ANO10: variants seen among roughly 807,000 people sequenced by gnomAD.
ANO10 encodes the protein anoctamin 10.
In ANO10, 77 loss-of-function variants were observed where a neutral mutation model predicts 74.7. That is an observed-to-expected ratio of 1.03 (90% confidence interval 0.86 to 1.25). The LOEUF (loss-of-function observed/expected upper bound fraction) is 1.25. Among genes scored for constraint, ANO10 ranks in the 50% most tolerant of loss-of-function variants. The pLI, the probability that ANO10 is intolerant of heterozygous loss-of-function variation, is 0.00. For missense variants in ANO10, 721 were observed against 778.1 expected, an observed-to-expected ratio of 0.93 and a Z score of 0.87; for synonymous variants, 279 against 284.9, an observed-to-expected ratio of 0.98 and a Z score of 0.21.
At chr3:43,399,327 TTC>T (rs1397419737) in intron 12 of ANO10, among the ~76,000 whole-genome samples, 3 of 152,242 alleles carry the variant, frequency 2.0e-5, no homozygotes, top group Non-Finnish European at 1.5e-5. Flanking sequence ...CTCTGATCAC[TTC>T]TTTTTCCTGT....
At chr3:43,613,414 T>A (rs1402654597) in intron 1 of ANO10, among the ~76,000 whole-genome samples, 1 of 152,110 alleles carries the variant, frequency 6.6e-6, no homozygotes, top group African/African-American at 2.4e-5. Flanking sequence ...GAAGCAAGAA[T>A]AAAGACAGCA....
chr3:43,470,421 T>C (rs1421101703), intron 11 of ANO10, among the ~76,000 whole-genome samples: 1 of 152,278 alleles, frequency 6.6e-6, no homozygotes, highest in African/African-American at 2.4e-5. Context: ...TGGCGCACTC[T>C]TGGCTCACTG....
chr3:43,576,864 C>G lies in ANO10; in HGVS notation c.990G>C (p.Leu330=). ...PFVCLCLYFS[L]YVMMIYFDME... The stretch of plus-strand genomic sequence containing the variant: ...TGTCGAAGTAAATCATCATGACATA[C>G]AGTGAGAAATAGAGGCAGAGGCACA... Residue 330 remains leucine (L), a synonymous_variant, in exon 6 of 13, where the codon CTG becomes CTC. Transcript: ENST00000292246. 3 of 1,614,160 alleles carry G rather than the reference C, an allele frequency of 1.9e-6. No individual in the cohort carries two copies. Among genetic ancestry groups the G allele is most frequent in the Non-Finnish European group, 2.5e-6 (3 of 1,180,030 alleles).
intron 12 of ANO10, among the ~76,000 whole-genome samples, chr3:43,391,772 C>T (rs1294698014): frequency 1.3e-5 from 2 of 152,150 alleles, no homozygotes; most frequent in Non-Finnish European, 2.9e-5. Flanking sequence ...AATGGATCCT[C>T]CCTAAGGTGA....
Position 43,463,552 on chromosome 3 carries a change from T to A in ANO10, c.1798-30825A>T, listed in dbSNP as rs373451115. On this transcript the variant is annotated intron_variant, in intron 11 of 12. Transcript: ENST00000292246. The stretch of plus-strand genomic sequence containing the variant: ...GAGCTTTAAGATTTTACTGCCCTGC[T>A]GGATTTTGGACTTGCATGGGGCCTG... Among the ~76,000 whole-genome samples the A allele has an allele frequency of 1.3e-4, 20 of 152,334 alleles. No individual in the cohort carries two copies. In the South Asian group the frequency reaches 2.3e-3, roughly 17 times the overall value.
chr3:43,512,945 C>T (rs536043035), intron 11 of ANO10, among the ~76,000 whole-genome samples: 132 of 152,218 alleles, frequency 8.7e-4, no homozygotes, highest in African/African-American at 2.8e-3. Flanking sequence ...AGGGAGAAAA[C>T]GTCAGGATGA....
chr3:43,648,414 G>C (rs2083748827), intron 1 of ANO10, among the ~76,000 whole-genome samples: 1 of 152,168 alleles, frequency 6.6e-6, no homozygotes, highest in Admixed American at 6.5e-5. Flanking sequence ...TATTAAGAAA[G>C]TAGAGGAATA....
At chr3:43,388,691 C>G (rs545654956) in intron 12 of ANO10, among the ~76,000 whole-genome samples, 1 of 152,108 alleles carries the variant, frequency 6.6e-6, no homozygotes, top group African/African-American at 2.4e-5. Flanking sequence ...CCAATATTAC[C>G]AAACTTAGAT....
At chr3:43,469,342 G>A (rs1210890772) in intron 11 of ANO10, among the ~76,000 whole-genome samples, 8 of 152,016 alleles carry the variant, frequency 5.3e-5, no homozygotes, top group African/African-American at 1.7e-4. Flanking sequence ...CACCATGCCC[G>A]GCCTAATCAG....
intron 11 of ANO10, among the ~76,000 whole-genome samples, chr3:43,541,320 G>A (rs1209962816): frequency 6.6e-6 from 1 of 152,142 alleles, no homozygotes; most frequent in African/African-American, 2.4e-5. Flanking sequence ...ATCTTGCCAG[G>A]CACTGTACTA....
At chr3:43,487,978 T>C (rs1294430653) in intron 11 of ANO10, among the ~76,000 whole-genome samples, 3 of 151,930 alleles carry the variant, frequency 2.0e-5, no homozygotes, top group African/African-American at 4.8e-5. Context: ...GAGATATAGA[T>C]CAATGGAACA....
intron 12 of ANO10, among the ~76,000 whole-genome samples, chr3:43,402,065 G>A (rs1377220992): frequency 1.3e-5 from 2 of 152,198 alleles, no homozygotes; most frequent in Admixed American, 6.5e-5. Flanking sequence ...TCAATCCAGA[G>A]GCTGACAAAC....
intron 12 of ANO10, among the ~76,000 whole-genome samples, chr3:43,419,918 T>C (rs1040656044): frequency 2.0e-5 from 3 of 152,240 alleles, no homozygotes; most frequent in African/African-American, 2.4e-5. Flanking sequence ...GAAGTGATTA[T>C]TTTCCTTTAG....
intron 11 of ANO10, among the ~76,000 whole-genome samples, chr3:43,442,607 C>T (rs1029301864): frequency 1.3e-5 from 2 of 152,076 alleles, no homozygotes; most frequent in Non-Finnish European, 2.9e-5. Flanking sequence ...ATTGTTAAAA[C>T]GTGTATATCA....
intron 4 of ANO10, among the ~76,000 whole-genome samples, chr3:43,595,063 G>A (rs1243140458): frequency 6.6e-6 from 1 of 152,112 alleles, no homozygotes; most frequent in African/African-American, 2.4e-5. Flanking sequence ...ACTAAACCAG[G>A]AAGAAGGTGA....
chr3:43,669,912 G>T (rs1298506710), intron 1 of ANO10, among the ~76,000 whole-genome samples: 4 of 152,026 alleles, frequency 2.6e-5, no homozygotes, highest in South Asian at 2.1e-4. Flanking sequence ...TTTTAGTAGA[G>T]ACGGGGTTTC....
At chr3:43,467,555 C>T (rs772702306) in intron 11 of ANO10, among the ~76,000 whole-genome samples, 1 of 152,180 alleles carries the variant, frequency 6.6e-6, no homozygotes, top group Admixed American at 6.5e-5. Flanking sequence ...TCTGTAGTGA[C>T]AAGAAAGCAC....
chr3:43,570,565 C>T (rs1029109798), intron 7 of ANO10, among the ~76,000 whole-genome samples: 2 of 152,124 alleles, frequency 1.3e-5, no homozygotes, highest in African/African-American at 4.8e-5. Context: ...ACAAACCTCA[C>T]AAAAACAAGC....
intron 1 of ANO10, among the ~76,000 whole-genome samples, chr3:43,666,320 A>G (rs2149575248): frequency 6.6e-6 from 1 of 152,314 alleles, no homozygotes; most frequent in South Asian, 2.1e-4. Flanking sequence ...TTACAGTTAC[A>G]TGGAGTATGA....
Sources: allele counts gnomAD v4.1 joint callset (sites outside exome capture counted in the v4.1 genomes callset), GRCh38; gene constraint gnomAD v4.1.1; transcripts MANE v1.5; gene names NCBI Gene and HGNC (gene_info 2026-07-23, HGNC 2026-07-21).